Variants in ZBTB17 observed in about 807,000 individuals in gnomAD.
ZBTB17 encodes the protein zinc finger and BTB domain containing 17, also known as zinc finger and BTB domain-containing protein 17.
In ZBTB17, 24 loss-of-function variants were observed where a neutral mutation model predicts 85.1. The ratio of observed to expected loss-of-function variants is 0.28; its 90% confidence interval spans 0.20 to 0.40. ZBTB17 has a LOEUF of 0.40. Among genes scored for constraint, ZBTB17 ranks in the 10% least tolerant of loss-of-function variants. The probability of loss-of-function intolerance (pLI) is 1.00; values close to 1 mark genes in which losing one functional copy is unlikely to be tolerated. For missense variants in ZBTB17, 743 were observed against 1,105.1 expected (o/e 0.67, Z 4.65); for synonymous variants, 464 against 460.2 (o/e 1.01, Z -0.11).
In ZBTB17 at chr1:15,941,878, A is replaced by G. The variant is rs983637068; in HGVS notation, c.*91T>C. On this transcript the variant is annotated 3_prime_UTR_variant, in exon 16 of 16. Coordinates refer to ENST00000375743, the MANE Select transcript of ZBTB17 (RefSeq NM_003443.3). ...GGACCTATAGGCAGCATTAGAAAAT[A>G]ATCCAATTTATTCTCTCTAGGGAAC... is the stretch of plus-strand genomic sequence containing the variant. 4.1e-6 allele frequency: 6 copies of G among 1,477,586 alleles called. No homozygotes were observed. The highest frequency in any genetic ancestry group is 5.4e-6 in the Non-Finnish European group (6 of 1,107,516). The allele number at this position is 1,477,586 out of a possible 1,614,324, so 91.5% of individuals were successfully genotyped here.
intron 12 of ZBTB17, 72 bp downstream of exon 12, chr1:15,943,327 G>A: frequency 1.3e-6 from 2 of 1,583,356 alleles, no homozygotes; most frequent in Non-Finnish European, 1.7e-6. Context: ...CCCCAGCCAA[G>A]CCCCCAGTTT....
chr1:15,969,857 T>C (rs553509815), intron 2 of ZBTB17: 4 of 579,798 alleles, frequency 6.9e-6, no homozygotes, highest in Admixed American at 4.4e-5. Flanking sequence ...ATGGGAATCA[T>C]TTCATTGACT....
intron 2 of ZBTB17, among the ~76,000 whole-genome samples, chr1:15,959,174 G>GAGT (rs2072158530): frequency 6.6e-6 from 1 of 152,182 alleles, no homozygotes; most frequent in African/African-American, 2.4e-5. Context: ...CCTCTTCTTG[G>GAGT]AGTAGCTCAA....
chr1:15,955,123 C>T (rs1003366659), intron 2 of ZBTB17, among the ~76,000 whole-genome samples: 2 of 152,206 alleles, frequency 1.3e-5, no homozygotes, highest in Non-Finnish European at 2.9e-5. Flanking sequence ...CACTGCACTC[C>T]AGCCTGGGCC....
chr1:15,970,311 A>C (rs1390135262), intron 2 of ZBTB17: 2 of 259,764 alleles, frequency 7.7e-6, no homozygotes, highest in African/African-American at 4.6e-5. Context: ...ACTGATGCTG[A>C]GAAGGAAAAA....
chr1:15,962,942 CCT>C (rs2072312644), intron 2 of ZBTB17, among the ~76,000 whole-genome samples: 1 of 151,864 alleles, frequency 6.6e-6, no homozygotes, highest in African/African-American at 2.4e-5. Flanking sequence ...ACAGCGAGAC[CCT>C]GTTTCTAAAA....
In ZBTB17 at chr1:15,961,964, G is replaced by A. The variant is rs144116822; in HGVS notation, c.-3+11075C>T. On this transcript the variant is annotated intron_variant, in intron 2 of 15. Coordinates refer to ENST00000375743, the MANE Select transcript of ZBTB17 (RefSeq NM_003443.3). ...CGTGCCTGTAATCTCAGCACTTTGG[G>A]AGACTGAGGCAGGAGGATTGCCTAA... Among the ~76,000 whole-genome samples the A allele has an allele frequency of 3.3e-3, 497 of 152,316 alleles. 1 individual carries two copies. The highest frequency in any genetic ancestry group is 0.01 in the African/African-American group (423 of 41,552).
Position 15,944,468 on chromosome 1 carries a change from G to C in ZBTB17, c.1203C>G (p.Thr401=), listed in dbSNP as rs144304470. 1.4e-4 allele frequency: 213 copies of C among 1,577,260 alleles called. No individual in the cohort carries two copies. The African/African-American group carries it at 2.7e-3, about 20-fold the overall frequency. The change falls in exon 9 of 16, where the codon ACC becomes ACG. Residue 401 remains threonine (T), a synonymous_variant. Transcript: ENST00000375743. ...GCTGGTGGCGCTTGAGGTTGCCCGA[G>C]GTGGTGAAGAGCTTGCCGCAGTCCT... The part of the protein sequence containing the change: ...RCEDCGKLFT[T]SGNLKRHQLV...
rs1393833332 is a variant in ZBTB17, at chr1:15,966,334, G to A, written c.-3+6705C>T. ...TTCCAGTATAGGAAGTGGTGCGGCT[G>A]GGGTGGGGAGAACAGATTCTACTGC... On this transcript the variant is annotated intron_variant, in intron 2 of 15. Coordinates refer to ENST00000375743, the MANE Select transcript of ZBTB17 (RefSeq NM_003443.3). The surrounding 1 kb of genome is among the most constrained non-coding windows in gnomAD (Gnocchi z 4.1). 6.6e-6 allele frequency among the ~76,000 whole-genome samples: 1 copy of A among 152,136 alleles called. No individual in the cohort carries two copies. The highest frequency in any genetic ancestry group is 2.4e-5 in the African/African-American group (1 of 41,428).
At chr1:15,948,248 C>T (rs752041696) in intron 3 of ZBTB17, 43 bp downstream of exon 3, 18 of 1,611,680 alleles carry the variant, frequency 1.1e-5, no homozygotes, top group Non-Finnish European at 1.5e-5. Context: ...CCGGCCATAG[C>T]TTCTGGCTAT....
chr1:15,968,584 T>C (rs1379896793), intron 2 of ZBTB17, among the ~76,000 whole-genome samples: 1 of 152,128 alleles, frequency 6.6e-6, no homozygotes, highest in Non-Finnish European at 1.5e-5. Flanking sequence ...AGAAAAGGCT[T>C]CCCAGAAGCA....
In ZBTB17 at chr1:15,946,142, C is replaced by CA; in HGVS notation, c.535+11dup. On this transcript the variant is annotated intron_variant, in intron 5 of 15. Transcript: ENST00000375743. ...ACAGGACAGCCGGCTGGGTCCTTGG[C>CA]ATCTGACTCACCGCTGGCCGCACTC... 3 of 1,604,192 alleles carry CA rather than the reference C, an allele frequency of 1.9e-6. No individual in the cohort carries two copies. Among genetic ancestry groups the CA allele is most frequent in the Non-Finnish European group, 2.5e-6 (3 of 1,179,906 alleles).
Position 15,944,992 on chromosome 1 carries a change from G to A in ZBTB17, c.872C>T (p.Thr291Ile). Residue 291 changes from threonine to isoleucine, a missense_variant, in exon 7 of 16, where the codon ACC becomes ATC. Transcript: ENST00000375743. ...GSEARGLRSG[T>I]YGDRTESKAY... The stretch of plus-strand genomic sequence containing the variant: ...CTTGGACTCCGTGCGGTCGCCGTAG[G>A]TGCCTGAGCGCAGGCCCCGGGCCTC... 1 of 1,590,676 alleles carries A rather than the reference G, an allele frequency of 6.3e-7. No homozygotes were observed. The highest frequency in any genetic ancestry group is 2.3e-5 in the East Asian group (1 of 43,916).
intron 1 of ZBTB17, among the ~76,000 whole-genome samples, chr1:15,975,436 G>A (rs1276963818): frequency 6.6e-6 from 1 of 152,198 alleles, no homozygotes; most frequent in Non-Finnish European, 1.5e-5. Context: ...GAGTCCGCCC[G>A]CATCACTCGC....
At position 15,946,943 on chromosome 1, in the gene ZBTB17, G is replaced by A; in HGVS notation, c.386C>T (p.Ala129Val). The change falls in exon 4 of 16, where the codon GCC (alanine) becomes GTC (valine). Residue 129 changes from alanine (A) to valine (V), a missense_variant. Physicochemically the swap from Ala to Val is moderately conservative, Grantham distance 64 (BLOSUM62 0). Transcript: ENST00000375743. Reference sequence around the variant, plus strand: ...AGCTGCCAATAACCTACCTTCTGTGGCCAAGGCCTCCGCATTTCCCCCAGG... The same window carrying A: ...AGCTGCCAATAACCTACCTTCTGTGACCAAGGCCTCCGCATTTCCCCCAGG... The part of the protein sequence containing the change: ...TSPGGNAEAL[A>V]TEGGDKRAKE... 2 of 1,609,952 alleles carry A rather than the reference G, an allele frequency of 1.2e-6. No homozygotes were observed. Among genetic ancestry groups the A allele is most frequent in the Middle Eastern group, 3.3e-4 (2 of 6,026 alleles).
In ZBTB17 at chr1:15,970,520, C is replaced by CT. The variant is rs2072610617; in HGVS notation, c.-3+2518dup. Among the ~76,000 whole-genome samples, 3 of 151,114 alleles carry CT rather than the reference C, an allele frequency of 2.0e-5. No homozygotes were observed. The South Asian group carries it at 6.3e-4, about 32-fold the overall frequency. ...GCCTCAGCCTCCCGAGTAGCTGGGA[C>CT]TACAGGCACCCACCACCACACCCAG... is the stretch of plus-strand genomic sequence containing the variant. On this transcript the variant is annotated intron_variant, in intron 2 of 15. Transcript: ENST00000375743.
At position 15,947,057 on chromosome 1, in the gene ZBTB17, T is replaced by A; in HGVS notation, c.272A>T (p.Asp91Val). The change falls in exon 4 of 16, where the codon GAT becomes GTT. Residue 91 changes from aspartate to valine, a missense_variant. Asp to Val is a radical substitution (Grantham distance 152, BLOSUM62 -3). Transcript: ENST00000375743. ...GAGGAAAGTGGCCACGGCCAGCACA[T>A]CATCCACGTTCTCAGGGCTCAGGCT... The part of the protein sequence containing the change: ...KLSLSPENVD[D>V]VLAVATFLQM... The A allele has an allele frequency of 6.2e-7, 1 of 1,613,998 alleles. No homozygotes were observed. Among genetic ancestry groups the A allele is most frequent in the Non-Finnish European group, 8.5e-7 (1 of 1,179,978 alleles).
At chr1:15,944,085 A>G in intron 9 of ZBTB17, 190 bp from the exon 10 acceptor site, 1 of 993,448 alleles carries the variant, frequency 1.0e-6, no homozygotes, top group Non-Finnish European at 1.5e-6. Context: ...CCATTTTTTC[A>G]GGACCAAACC....
intron 6 of ZBTB17, 63 bp from the exon 7 acceptor site, chr1:15,945,265 G>A (rs962854039): frequency 1.3e-6 from 2 of 1,527,232 alleles, no homozygotes; most frequent in Admixed American, 4.0e-5. Context: ...CGTGAGGGGC[G>A]CCGGCAACAT....
Sources: allele counts gnomAD v4.1 joint callset (sites outside exome capture counted in the v4.1 genomes callset), GRCh38; gene constraint gnomAD v4.1.1; non-coding constraint Gnocchi (gnomAD v3.1); transcripts MANE v1.5; gene names NCBI Gene and HGNC (gene_info 2026-07-23, HGNC 2026-07-21).